Variants in CSMD3 observed in about 807,000 individuals in gnomAD.
CSMD3 encodes the protein CUB and Sushi multiple domains 3.
A neutral mutation model predicts 435.2 loss-of-function variants in CSMD3; 177 were observed. That is an observed-to-expected ratio of 0.41 (90% CI 0.36 to 0.46). The LOEUF (loss-of-function observed/expected upper bound fraction) is 0.46, where lower values mean the gene tolerates loss of function less well. CSMD3 is among the 20% of genes least tolerant of loss of function. The probability of loss-of-function intolerance (pLI) is 0.34; values close to 1 mark genes in which losing one functional copy is unlikely to be tolerated. For missense variants in CSMD3, 4,265 were observed against 4,504.6 expected (o/e 0.95, Z 1.52); for synonymous variants, 1,656 against 1,520.5 (o/e 1.09, Z -2.07).
chr8:112,437,476 G>C (rs1346339324), intron 32 of CSMD3, among the ~76,000 whole-genome samples: 1 of 151,980 alleles, frequency 6.6e-6, no homozygotes, highest in Non-Finnish European at 1.5e-5. Flanking sequence ...TCACTAAATG[G>C]ATGAACTAAG....
intron 5 of CSMD3, among the ~76,000 whole-genome samples, chr8:113,095,951 C>T (rs562872785): frequency 7.2e-5 from 11 of 152,202 alleles, no homozygotes; most frequent in Middle Eastern, 3.4e-3. Context: ...TTTACTCTCA[C>T]TCTCAATCTC....
intron 13 of CSMD3, among the ~76,000 whole-genome samples, chr8:112,736,633 C>T (rs958542525): frequency 6.6e-6 from 1 of 151,962 alleles, no homozygotes; most frequent in African/African-American, 2.4e-5. Flanking sequence ...GTTATCTTTG[C>T]TGTTCTATAG....
chr8:112,801,947 C>T (rs1478309254), intron 12 of CSMD3, among the ~76,000 whole-genome samples: 5 of 151,922 alleles, frequency 3.3e-5, no homozygotes, highest in Non-Finnish European at 5.9e-5. Context: ...CATTCATAAT[C>T]CTGAACTGTT....
At chr8:112,724,228 T>A (rs1242533183) in intron 13 of CSMD3, among the ~76,000 whole-genome samples, 1 of 151,696 alleles carries the variant, frequency 6.6e-6, no homozygotes, top group East Asian at 1.9e-4. Flanking sequence ...CATGGACATA[T>A]AAGAGGAAAG....
chr8:113,147,524 G>A lies in CSMD3; in HGVS notation c.709+26198C>T, dbSNP rs553561739. On this transcript the variant is annotated intron_variant, in intron 4 of 70. Transcript: ENST00000297405. Reference sequence around the variant, plus strand: ...ATTGTAGGTCTTTATGTACTTCAGCGCTTTTGGATGTGGTTCTGAACTCGC... The same window carrying A: ...ATTGTAGGTCTTTATGTACTTCAGCACTTTTGGATGTGGTTCTGAACTCGC... Among the ~76,000 whole-genome samples, 8 of 151,548 alleles carry A rather than the reference G, an allele frequency of 5.3e-5. No individual in the cohort carries two copies. The East Asian group carries it at 1.4e-3, about 26-fold the overall frequency.
chr8:112,337,944 T>C (rs1824733116), intron 42 of CSMD3, among the ~76,000 whole-genome samples: 1 of 152,166 alleles, frequency 6.6e-6, no homozygotes, highest in Non-Finnish European at 1.5e-5. Flanking sequence ...GTTAGTACAA[T>C]TAATAAAAAC....
intron 12 of CSMD3, among the ~76,000 whole-genome samples, chr8:112,802,009 C>G (rs960724606): frequency 2.0e-5 from 3 of 152,034 alleles, no homozygotes; most frequent in Admixed American, 2.0e-4. Context: ...TGAAGAACAA[C>G]TAACACTTGC....
intron 10 of CSMD3, among the ~76,000 whole-genome samples, chr8:112,874,219 T>C (rs982983863): frequency 6.6e-6 from 1 of 152,192 alleles, no homozygotes; most frequent in African/African-American, 2.4e-5. Context: ...TTGTGCAGTT[T>C]TGAGTGAGTT....
intron 1 of CSMD3, among the ~76,000 whole-genome samples, chr8:113,409,313 G>A (rs2094547711): frequency 6.6e-6 from 1 of 151,626 alleles, no homozygotes; most frequent in Admixed American, 6.6e-5. Flanking sequence ...TCGAACTCCT[G>A]ACCTCGTGAA....
At chr8:112,497,646 C>A (rs945147398) in intron 30 of CSMD3, among the ~76,000 whole-genome samples, 1 of 151,870 alleles carries the variant, frequency 6.6e-6, no homozygotes, top group Admixed American at 6.6e-5. Flanking sequence ...AATATTTTTA[C>A]TATCTAGGGC....
At chr8:112,754,239 C>T (rs1043111407) in intron 13 of CSMD3, among the ~76,000 whole-genome samples, 2 of 152,210 alleles carry the variant, frequency 1.3e-5, no homozygotes, top group East Asian at 3.9e-4. Flanking sequence ...GCTGTAAGGC[C>T]GGATGTAATC....
At chr8:112,434,204 A>G (rs1383402278) in intron 32 of CSMD3, among the ~76,000 whole-genome samples, 1 of 152,204 alleles carries the variant, frequency 6.6e-6, no homozygotes, top group Non-Finnish European at 1.5e-5. Context: ...GTAACTTTGG[A>G]CAAGTTAATG....
chr8:113,409,402 T>C (rs1368840596), intron 1 of CSMD3, among the ~76,000 whole-genome samples: 1 of 151,900 alleles, frequency 6.6e-6, no homozygotes, highest in Non-Finnish European at 1.5e-5. Context: ...TTTTACTACA[T>C]TGTCAAGGTT....
chr8:112,446,993 T>C (rs889828266), intron 32 of CSMD3, among the ~76,000 whole-genome samples: 1 of 152,172 alleles, frequency 6.6e-6, no homozygotes, highest in African/African-American at 2.4e-5. Context: ...TTCATAGTTA[T>C]TGTAATTAGA....
At chr8:113,336,087 T>C (rs935332795) in intron 1 of CSMD3, among the ~76,000 whole-genome samples, 14 of 152,132 alleles carry the variant, frequency 9.2e-5, no homozygotes, top group African/African-American at 3.1e-4. Flanking sequence ...CTACAGGTTC[T>C]TGATGCATTA....
intron 41 of CSMD3, 121 bp from the exon 42 acceptor site, chr8:112,341,807 T>C: frequency 1.3e-6 from 1 of 740,974 alleles, no homozygotes; most frequent in Non-Finnish European, 2.4e-6. Context: ...AGAGGCATAA[T>C]CTCAAGATCT....
rs570690539 is a variant in CSMD3, at chr8:113,415,306, C to T, written c.178+21371G>A. 3.9e-5 allele frequency among the ~76,000 whole-genome samples: 6 copies of T among 152,244 alleles called. No individual in the cohort carries two copies. In the South Asian group the frequency reaches 1.0e-3, roughly 26 times the overall value. On this transcript the variant is annotated intron_variant, in intron 1 of 70. Transcript: ENST00000297405. The stretch of plus-strand genomic sequence containing the variant: ...TGTAAACAAAGACAAAAGTCTGGTC[C>T]TCCTCAGTGAGTAGAACTGCACAGC...
In CSMD3 at chr8:113,426,788, G is replaced by A. The variant is rs538761187; in HGVS notation, c.178+9889C>T. 2.6e-5 allele frequency among the ~76,000 whole-genome samples: 4 copies of A among 151,572 alleles called. No homozygotes were observed. The South Asian group carries it at 8.3e-4, about 31-fold the overall frequency. ...GCATTCTAAAATGGAAAACCTGGCT[G>A]ATGGCTGATCATAAGTTTTCAACAA... On this transcript the variant is annotated intron_variant, in intron 1 of 70. Coordinates refer to ENST00000297405, the MANE Select transcript of CSMD3 (RefSeq NM_198123.2).
chr8:112,254,230 A>G (rs1457587664), intron 63 of CSMD3, 23 bp downstream of exon 63: 1 of 1,563,140 alleles, frequency 6.4e-7, no homozygotes, highest in Admixed American at 1.7e-5. Flanking sequence ...ATGATGCTAA[A>G]TGGACATAGC....
Sources: allele counts gnomAD v4.1 joint callset (sites outside exome capture counted in the v4.1 genomes callset), GRCh38; gene constraint gnomAD v4.1.1; transcripts MANE v1.5; gene names NCBI Gene and HGNC (gene_info 2026-07-23, HGNC 2026-07-21).